Variants in NELFA observed in about 807,000 individuals in gnomAD.
NELFA encodes negative elongation factor complex member A, also known as negative elongation factor A.
Under a neutral mutation model 51.8 loss-of-function variants are expected in NELFA, and 35 were observed. The ratio of observed to expected loss-of-function variants is 0.68; its 90% CI spans 0.52 to 0.90. The LOEUF (loss-of-function observed/expected upper bound fraction) is 0.90, where lower values mean the gene tolerates loss of function less well. NELFA is among the 40% of genes least tolerant of loss of function. The probability of loss-of-function intolerance (pLI) is 0.00; values close to 1 mark genes in which losing one functional copy is unlikely to be tolerated. For synonymous variants in NELFA, 417 were observed against 338.4 expected, an observed-to-expected ratio of 1.23 and a Z score of -2.55; for missense variants, 658 against 746.4, an observed-to-expected ratio of 0.88 and a Z score of 1.38.
Position 1,983,922 on chromosome 4 carries a change from G to A in NELFA, c.1228C>T (p.Pro410Ser). 1 of 1,608,838 alleles carries A rather than the reference G, an allele frequency of 6.2e-7. No homozygotes were observed. The highest frequency in any genetic ancestry group is 1.1e-5 in the South Asian group (1 of 90,424). The change falls in exon 9 of 11, where the codon CCC (proline) becomes TCC (serine). Residue 410 changes from proline to serine, a missense_variant. By Grantham distance (74) the Pro-to-Ser change is moderately conservative. Around this residue, in one of 3 missense-constraint regions of NELFA, gnomAD observed 200 missense variants for 167.9 expected, o/e 1.19. Coordinates refer to ENST00000382882, the MANE Select transcript of NELFA (RefSeq NM_005663.5). Reference protein sequence around the residue: ...PPAVAPTTQTPPVAMVAPQTQ... With the variant: ...PPAVAPTTQTSPVAMVAPQTQ... ...TGCGGGGCCACCATGGCAACCGGGG[G>A]TGTCTGAGTGGTAGGGGCGACAGCC...
At chr4:1,988,150 C>T (rs1327371775) in intron 3 of NELFA, 143 bp from the exon 4 acceptor site, 10 of 672,578 alleles carry the variant, frequency 1.5e-5, no homozygotes, top group Middle Eastern at 2.5e-4. Flanking sequence ...TGTTCCGAGC[C>T]GGGCCTGACA....
At chr4:1,992,938 C>A (rs1044646026) in intron 1 of NELFA, among the ~76,000 whole-genome samples, 1 of 152,196 alleles carries the variant, frequency 6.6e-6, no homozygotes, top group Non-Finnish European at 1.5e-5. Context: ...GAGGGTGTCG[C>A]CCCGGCCGCT....
intron 1 of NELFA, among the ~76,000 whole-genome samples, chr4:2,003,203 G>C (rs1728622105): frequency 6.6e-6 from 1 of 152,262 alleles, no homozygotes; most frequent in Admixed American, 6.5e-5. Context: ...AGTCAGAAGG[G>C]TGATTACTAA....
intron 7 of NELFA, 24 bp downstream of exon 7, chr4:1,985,752 A>G (rs368461557): frequency 1.9e-6 from 3 of 1,605,808 alleles, no homozygotes; most frequent in East Asian, 4.5e-5. Flanking sequence ...GGTGCCAGAC[A>G]TGGGGTGCAG....
At chr4:1,991,828 C>A (rs1728277677) in intron 1 of NELFA, 113 bp from the exon 2 acceptor site, 1 of 1,095,430 alleles carries the variant, frequency 9.1e-7, no homozygotes, top group Non-Finnish European at 1.3e-6. Context: ...GGCAGTTGCC[C>A]CCAACACTTC....
chr4:1,991,421 T>C (rs1027174837), intron 2 of NELFA, 123 bp downstream of exon 2: 2 of 1,012,232 alleles, frequency 2.0e-6, no homozygotes, highest in African/African-American at 1.6e-5. Context: ...ACAGTTAATA[T>C]TCTAGGGACC....
chr4:1,988,443 G>A (rs1052031310), intron 3 of NELFA, among the ~76,000 whole-genome samples: 5 of 152,230 alleles, frequency 3.3e-5, no homozygotes, highest in South Asian at 2.1e-4. Context: ...GAAGGGTCAG[G>A]GGACACCGAG....
In NELFA at chr4:1,984,068, G is replaced by A; in HGVS notation, c.1082C>T (p.Ala361Val). The change falls in exon 9 of 11, where the codon GCC becomes GTC. Residue 361 changes from alanine to valine, a missense_variant. Ala to Val is a moderately conservative substitution (Grantham distance 64, BLOSUM62 0). Transcript: ENST00000382882. ...CTGCGCTGGCAACGTGGGGCTCGGG[G>A]CGCTGGGCTCCTCTGGTGGGCGGCT... is the stretch of plus-strand genomic sequence containing the variant. ...EASRPPEEPS[A>V]PSPTLPAQFK... 2 of 1,597,582 alleles carry A rather than the reference G, an allele frequency of 1.3e-6. No homozygotes were observed. The highest frequency in any genetic ancestry group is 1.7e-6 in the Non-Finnish European group (2 of 1,176,426).
At chr4:1,996,362 C>T (rs576274) in intron 1 of NELFA, among the ~76,000 whole-genome samples, 38,938 of 152,070 alleles carry the variant, frequency 0.26, 5,098 homozygotes, top group East Asian at 0.31. Context: ...TTGTGGGATG[C>T]GGCTTACACT....
chr4:1,999,748 G>A (rs1728523808), intron 1 of NELFA, among the ~76,000 whole-genome samples: 1 of 152,092 alleles, frequency 6.6e-6, no homozygotes, highest in South Asian at 2.1e-4. Flanking sequence ...AACTAACAAG[G>A]ATATTCAGGA....
At chr4:2,003,141 T>G (rs1158404348) in intron 1 of NELFA, among the ~76,000 whole-genome samples, 2 of 152,196 alleles carry the variant, frequency 1.3e-5, no homozygotes, top group African/African-American at 4.8e-5. Flanking sequence ...TCTACGTCAC[T>G]GATCATCAGA....
Position 1,984,878 on chromosome 4 carries a change from C to T in NELFA, c.966G>A (p.Thr322=), listed in dbSNP as rs778573170. 1.0e-5 allele frequency: 16 copies of T among 1,580,664 alleles called. No homozygotes were observed. The highest frequency in any genetic ancestry group is 7.0e-5 in the South Asian group (6 of 85,840). The change falls in exon 8 of 11, where the codon ACG becomes ACA. Residue 322 remains threonine, a synonymous_variant. Coordinates refer to ENST00000382882, the MANE Select transcript of NELFA (RefSeq NM_005663.5). The part of the protein sequence containing the change: ...SLNNEPALPS[T]SYLPSTPSVV... ...CGCTGGGCGTGGAGGGAAGGTAGCT[C>T]GTGGAGGGCAGCGCAGGCTCATTGT...
chr4:2,007,261 C>A, intron 1 of NELFA: 1 of 256,718 alleles, frequency 3.9e-6, no homozygotes. Flanking sequence ...TGGCATGATC[C>A]TATGATCCTC....
At chr4:1,992,431 G>C in intron 1 of NELFA, 1 of 417,412 alleles carries the variant, frequency 2.4e-6, no homozygotes, top group South Asian at 1.7e-5. Flanking sequence ...CCACACCAGG[G>C]CCTGCTTCGG....
At chr4:1,993,595 G>C (rs1169699729) in intron 1 of NELFA, among the ~76,000 whole-genome samples, 1 of 149,596 alleles carries the variant, frequency 6.7e-6, no homozygotes, top group Non-Finnish European at 1.5e-5. Context: ...AAAAAAGAAA[G>C]AAAGAAAGAA....
Position 2,007,975 on chromosome 4 carries a change from C to G in NELFA, c.210+775G>C, listed in dbSNP as rs1389225956. On this transcript the variant is annotated intron_variant, in intron 1 of 10. Coordinates refer to ENST00000382882, the MANE Select transcript of NELFA (RefSeq NM_005663.5). ...AAAGAAAACAAACCTCACACACCCA[C>G]TTATTGGAATGACGCAAAACGGCGT... The G allele has an allele frequency of 6.6e-6, 3 of 456,896 alleles. No individual in the cohort carries two copies. In the East Asian group the frequency reaches 2.1e-4, roughly 32 times the overall value. 28.3% of individuals were successfully genotyped at this position (456,896 alleles called of 1,614,324 possible). A position where few individuals can be genotyped will look rare whatever the true frequency, so the allele number is the denominator to read the frequency against.
chr4:1,997,342 T>C (rs1728452823), intron 1 of NELFA, among the ~76,000 whole-genome samples: 1 of 152,164 alleles, frequency 6.6e-6, no homozygotes, highest in Admixed American at 6.5e-5. Context: ...ACAAAGACAG[T>C]CTGGGTAAGT....
intron 1 of NELFA, among the ~76,000 whole-genome samples, chr4:1,997,808 C>A (rs1469816803): frequency 6.6e-6 from 1 of 152,178 alleles, no homozygotes; most frequent in Non-Finnish European, 1.5e-5. Context: ...GGGTCCTGCT[C>A]CCTATGTCAC....
intron 1 of NELFA, among the ~76,000 whole-genome samples, chr4:1,999,457 G>A (rs1183114916): frequency 2.6e-5 from 4 of 151,882 alleles, no homozygotes; most frequent in Non-Finnish European, 5.9e-5. Flanking sequence ...GAAACTTCAA[G>A]CAAATGGAAA....
Sources: gnomAD v4.1 joint callset for allele counts (sites outside exome capture counted in the v4.1 genomes callset) on GRCh38, gnomAD v4.1.1 for gene constraint, gnomAD v4.1.1 regional missense constraint, MANE v1.5 for transcripts, NCBI Gene and HGNC (gene_info 2026-07-23, HGNC 2026-07-21) for gene names.